Variants in CA10 observed in about 807,000 individuals in gnomAD.
CA10 encodes the protein carbonic anhydrase-related protein 10.
CA10 carries 14 observed loss-of-function variants against 44.2 expected under a neutral mutation model. The ratio of observed to expected loss-of-function variants is 0.32; its 90% CI spans 0.21 to 0.50. The LOEUF is 0.50. Among genes scored for constraint, CA10 ranks in the 20% least tolerant of loss-of-function variants. The pLI is 0.99. For missense variants in CA10, 350 were observed against 409.7 expected, an observed-to-expected ratio of 0.85 and a Z score of 1.26; for synonymous variants, 159 against 141.6, an observed-to-expected ratio of 1.12 and a Z score of -0.87.
chr17:51,656,656 T>C (rs1263024610), intron 4 of CA10, among the ~76,000 whole-genome samples: 1 of 152,216 alleles, frequency 6.6e-6, no homozygotes, highest in Non-Finnish European at 1.5e-5. Flanking sequence ...CAGATGTTAA[T>C]AAGATGACAG....
At chr17:51,745,406 A>C (rs1725321130) in intron 4 of CA10, among the ~76,000 whole-genome samples, 1 of 152,214 alleles carries the variant, frequency 6.6e-6, no homozygotes, top group African/African-American at 2.4e-5. Flanking sequence ...AACCCTGCTT[A>C]CATGCTTTCT....
intron 3 of CA10, among the ~76,000 whole-genome samples, chr17:51,800,557 C>T (rs941006266): frequency 1.3e-5 from 2 of 152,134 alleles, no homozygotes; most frequent in East Asian, 3.9e-4. Flanking sequence ...TTACTCAGCA[C>T]AGTACCTTAC....
chr17:51,905,862 G>C (rs1213016630), intron 3 of CA10, among the ~76,000 whole-genome samples: 1 of 151,930 alleles, frequency 6.6e-6, no homozygotes, highest in Non-Finnish European at 1.5e-5. Context: ...TCTCATTTGA[G>C]AATATAAAGC....
chr17:51,856,256 G>C (rs1270884627), intron 3 of CA10, among the ~76,000 whole-genome samples: 1 of 152,086 alleles, frequency 6.6e-6, no homozygotes, highest in Non-Finnish European at 1.5e-5. Flanking sequence ...TGCAATAGCA[G>C]TGGCAGAAAC....
chr17:51,821,234 C>T (rs1907783295), intron 3 of CA10, among the ~76,000 whole-genome samples: 1 of 149,706 alleles, frequency 6.7e-6, no homozygotes, highest in Non-Finnish European at 1.5e-5. Context: ...TGAAAAAGCT[C>T]CTTCCCTTCA....
rs1276071897 is a variant in CA10 at position 51,847,121 on chromosome 17, T to C, written c.279+83869A>G. Among the ~76,000 whole-genome samples, 5 of 152,302 alleles carry C rather than the reference T, an allele frequency of 3.3e-5. No homozygotes were observed. In the East Asian group the frequency reaches 9.6e-4, roughly 29 times the overall value. Reference sequence around the variant, plus strand: ...ACATAGATTTTCTTTAAATAGAGGCTGGTAACTAAAAGAGATTCTGAGTCT... The same window carrying C: ...ACATAGATTTTCTTTAAATAGAGGCCGGTAACTAAAAGAGATTCTGAGTCT... On this transcript the variant is annotated intron_variant, in intron 3 of 8. Transcript: ENST00000451037.
chr17:51,904,680 T>C (rs2143937969), intron 3 of CA10, among the ~76,000 whole-genome samples: 1 of 152,278 alleles, frequency 6.6e-6, no homozygotes, highest in Non-Finnish European at 1.5e-5. Flanking sequence ...GTTTATATAT[T>C]AAGTTCATGC....
chr17:51,743,518 A>AT (rs1904545580), intron 4 of CA10, among the ~76,000 whole-genome samples: 1 of 152,216 alleles, frequency 6.6e-6, no homozygotes, highest in African/African-American at 2.4e-5. Flanking sequence ...GACATGAGTA[A>AT]TTTTTATAAA....
intron 2 of CA10, among the ~76,000 whole-genome samples, chr17:52,064,676 A>AC (rs1275544496): frequency 6.6e-6 from 1 of 152,140 alleles, no homozygotes; most frequent in Non-Finnish European, 1.5e-5. Flanking sequence ...AGATTTTAAA[A>AC]CTACCCAAAA....
At chr17:51,759,660 C>A (rs1029732158) in intron 3 of CA10, among the ~76,000 whole-genome samples, 53 of 151,882 alleles carry the variant, frequency 3.5e-4, no homozygotes, top group Non-Finnish European at 1.2e-4. Flanking sequence ...CAAGCTCCAC[C>A]CCCCATTCTG....
intron 2 of CA10, among the ~76,000 whole-genome samples, chr17:52,046,458 T>TA (rs2144201253): frequency 1.3e-5 from 2 of 151,912 alleles, no homozygotes; most frequent in Admixed American, 1.3e-4. Flanking sequence ...CTAATAAATT[T>TA]TACAACTTAT....
intron 2 of CA10, among the ~76,000 whole-genome samples, chr17:51,936,074 G>A (rs203098): frequency 0.68 from 102,762 of 152,018 alleles, 35,092 homozygotes; most frequent in Non-Finnish European, 0.71. Context: ...AATTTGCTAA[G>A]TCCTATGGCA....
intron 6 of CA10, among the ~76,000 whole-genome samples, chr17:51,645,704 C>T (rs1399871252): frequency 6.6e-6 from 1 of 152,232 alleles, no homozygotes; most frequent in Non-Finnish European, 1.5e-5. Flanking sequence ...CTAAGCTTTC[C>T]TTCCTCCTTA....
chr17:51,931,004 T>C lies in CA10; in HGVS notation c.265A>G (p.Thr89Ala). The C allele has an allele frequency of 6.2e-7, 1 of 1,613,122 alleles. No homozygotes were observed. Among genetic ancestry groups the C allele is most frequent in the Non-Finnish European group, 8.5e-7 (1 of 1,179,426 alleles). Residue 89 changes from threonine to alanine, a missense_variant, in exon 3 of 9, where the codon ACG becomes GCG. Thr to Ala is a moderately conservative substitution (Grantham distance 58). Coordinates refer to ENST00000451037, the MANE Select transcript of CA10 (RefSeq NM_020178.5). ...DPFLTPLRIN[T>A]GGRKVSGTMY... ...TGGTGGCTTACCTTCCTGCCCCCCG[T>C]GTTGATGCGAAGAGGTGTCAGAAAG... is the stretch of plus-strand genomic sequence containing the variant.
intron 1 of CA10, among the ~76,000 whole-genome samples, chr17:52,112,781 C>T (rs1283097522): frequency 1.3e-5 from 2 of 152,196 alleles, no homozygotes; most frequent in East Asian, 1.9e-4. Flanking sequence ...TCTCCCCATA[C>T]GCATTGTTGG....
chr17:52,070,269 C>G (rs1041315232), intron 2 of CA10, among the ~76,000 whole-genome samples: 2 of 152,164 alleles, frequency 1.3e-5, no homozygotes, highest in African/African-American at 4.8e-5. Flanking sequence ...TCAAGCATCC[C>G]CCATGTTTCA....
rs1912684336 is a variant in CA10 at position 51,633,541 on chromosome 17, T to C, written c.899A>G (p.Asn300Ser). Residue 300 changes from asparagine to serine, a missense_variant, in exon 8 of 9, where the codon AAT becomes AGT. Coordinates refer to ENST00000451037, the MANE Select transcript of CA10 (RefSeq NM_020178.5). ...QPLNNRCIRT[N>S]INFSLQGKDC... ...CTTCCCCTGTAAACTGAAGTTGATA[T>C]TGGTGCGGATGCAGCGGTTGTTGAG... 6.2e-7 allele frequency: 1 copy of C among 1,613,962 alleles called. No homozygotes were observed. The highest frequency in any genetic ancestry group is 1.1e-5 in the South Asian group (1 of 91,056).
chr17:51,874,955 TTTTTCTTTTTTTTCTTTTCTTTTCTTTTC>T (rs1434536161), intron 3 of CA10, among the ~76,000 whole-genome samples: 33 of 82,942 alleles, frequency 4.0e-4, no homozygotes, highest in Middle Eastern at 6.9e-3. Context: ...CTTCTGTTTT[TTTTTCTTTTTTTTCTTTTCTTTTCTTTTC>T]TTTTCTTTTC....
intron 5 of CA10, among the ~76,000 whole-genome samples, chr17:51,652,113 A>T (rs1029078760): frequency 5.3e-5 from 8 of 152,166 alleles, no homozygotes; most frequent in Non-Finnish European, 1.2e-4. Context: ...TAGAATGAGT[A>T]AGCCATTCTT....
Sources: gnomAD v4.1 joint callset for allele counts (sites outside exome capture counted in the v4.1 genomes callset) on GRCh38, gnomAD v4.1.1 for gene constraint, MANE v1.5 for transcripts, NCBI Gene and HGNC (gene_info 2026-07-23, HGNC 2026-07-21) for gene names.